The following CLEC6A variants were observed in gnomAD, a reference collection of about 807,000 sequenced individuals.
CLEC6A encodes the protein C-type lectin domain containing 6A, also known as C-type lectin domain family 6 member A.
CLEC6A carries 22 observed loss-of-function variants against 25.7 expected under a neutral mutation model. The ratio of observed to expected loss-of-function variants is 0.85; its 90% CI spans 0.61 to 1.22. The LOEUF (loss-of-function observed/expected upper bound fraction) is 1.22. Among genes scored for constraint, CLEC6A ranks in the 50% most tolerant of loss-of-function variants. The pLI, the probability that CLEC6A is intolerant of heterozygous loss-of-function variation, is 0.00. For missense variants in CLEC6A, 240 were observed against 236.8 expected (o/e 1.01, Z -0.09); for synonymous variants, 92 against 76.7 (o/e 1.20, Z -1.04).
At chr12:8,469,040 A>G (rs1162587220) in intron 4 of CLEC6A, among the ~76,000 whole-genome samples, 1 of 152,208 alleles carries the variant, frequency 6.6e-6, no homozygotes, top group Non-Finnish European at 1.5e-5. Context: ...AGAAAACCCT[A>G]AAGACTCATC....
At chr12:8,466,879 C>G (rs1939838632) in intron 4 of CLEC6A, among the ~76,000 whole-genome samples, 1 of 152,148 alleles carries the variant, frequency 6.6e-6, no homozygotes, top group Admixed American at 6.5e-5. Flanking sequence ...GTCTTGAACT[C>G]CTGACCTCGT....
At chr12:8,472,677 A>G (rs1007802713) in intron 4 of CLEC6A, among the ~76,000 whole-genome samples, 3 of 152,152 alleles carry the variant, frequency 2.0e-5, no homozygotes, top group Non-Finnish European at 4.4e-5. Context: ...CAGTGTCTTC[A>G]TGGGGGAACT....
chr12:8,458,798 A>T (rs1370218354), intron 2 of CLEC6A, among the ~76,000 whole-genome samples: 2 of 152,220 alleles, frequency 1.3e-5, no homozygotes, highest in Non-Finnish European at 2.9e-5. Context: ...TCAGGATCTC[A>T]AAACATGAAC....
intron 1 of CLEC6A, 58 bp downstream of exon 1, chr12:8,456,200 T>TC (rs1939673734): frequency 1.3e-6 from 2 of 1,528,476 alleles, no homozygotes; most frequent in Non-Finnish European, 1.8e-6. Context: ...TGAGATCACC[T>TC]GGAGAGAAGA....
chr12:8,460,836 C>T (rs1485394781), intron 3 of CLEC6A: 8 of 1,003,228 alleles, frequency 8.0e-6, no homozygotes, highest in Non-Finnish European at 1.1e-5. Flanking sequence ...GCCAAAAACG[C>T]CCAGTTCCTA....
At chr12:8,462,662 T>C (rs907280201) in intron 3 of CLEC6A, among the ~76,000 whole-genome samples, 81 of 151,008 alleles carry the variant, frequency 5.4e-4, no homozygotes, top group Admixed American at 1.5e-3. Flanking sequence ...GCTGACCTTC[T>C]CTCCACTATT....
At chr12:8,461,256 AT>A (rs1939749988) in intron 3 of CLEC6A, 1 of 638,740 alleles carries the variant, frequency 1.6e-6, no homozygotes, top group Non-Finnish European at 2.7e-6. Context: ...TGTAAAATTC[AT>A]ACCTAATAAG....
At chr12:8,469,211 G>A (rs1226059185) in intron 4 of CLEC6A, among the ~76,000 whole-genome samples, 2 of 151,972 alleles carry the variant, frequency 1.3e-5, no homozygotes, top group Non-Finnish European at 2.9e-5. Context: ...AAAATATTTA[G>A]GAATTTACTT....
At chr12:8,460,483 C>T (rs10770738) in intron 3 of CLEC6A, 467,369 of 599,238 alleles carry the variant, frequency 0.78, 184,549 homozygotes, top group East Asian at 0.99. Context: ...GGGTCCCTCT[C>T]ACAGCACGTG....
intron 3 of CLEC6A, among the ~76,000 whole-genome samples, chr12:8,464,136 A>C (rs1591707328): frequency 6.6e-6 from 1 of 152,216 alleles, no homozygotes; most frequent in East Asian, 1.9e-4. Flanking sequence ...TATTTTATTC[A>C]TTTTATAACA....
intron 4 of CLEC6A, among the ~76,000 whole-genome samples, chr12:8,472,678 T>C (rs1939922257): frequency 6.6e-6 from 1 of 152,176 alleles, no homozygotes; most frequent in African/African-American, 2.4e-5. Context: ...AGTGTCTTCA[T>C]GGGGGAACTA....
intron 4 of CLEC6A, among the ~76,000 whole-genome samples, chr12:8,466,156 A>G (rs191890892): frequency 6.6e-5 from 10 of 152,366 alleles, no homozygotes; most frequent in Admixed American, 2.0e-4. Flanking sequence ...GATTTGATAT[A>G]CAAATATATT....
At chr12:8,477,182 G>A in intron 5 of CLEC6A, 138 bp from the exon 6 acceptor site, 1 of 656,046 alleles carries the variant, frequency 1.5e-6, no homozygotes, top group South Asian at 2.3e-5. Flanking sequence ...TTTGAGGAGA[G>A]TAGTATGAGA....
intron 4 of CLEC6A, among the ~76,000 whole-genome samples, chr12:8,475,004 G>C (rs1318643731): frequency 6.6e-6 from 1 of 151,902 alleles, no homozygotes; most frequent in African/African-American, 2.4e-5. Flanking sequence ...ATTTATATTA[G>C]GTATTTCTCC....
chr12:8,463,216 G>T (rs1195733961), intron 3 of CLEC6A, among the ~76,000 whole-genome samples: 2 of 152,104 alleles, frequency 1.3e-5, no homozygotes, highest in African/African-American at 4.8e-5. Flanking sequence ...TAGGCTTCGA[G>T]TGGTATAAAA....
chr12:8,467,582 G>A (rs1383982813), intron 4 of CLEC6A, among the ~76,000 whole-genome samples: 1 of 152,214 alleles, frequency 6.6e-6, no homozygotes, highest in South Asian at 2.1e-4. Context: ...ACACTGCTTC[G>A]ATTACTGTAG....
At position 8,459,791 on chromosome 12, in the gene CLEC6A, G is replaced by T. The variant is rs768203637; in HGVS notation, c.223+93G>T. 15 of 806,444 alleles carry T rather than the reference G, an allele frequency of 1.9e-5. No homozygotes were observed. In the East Asian group the frequency reaches 3.2e-4, roughly 17 times the overall value. The allele number at this position is 806,444 out of a possible 1,614,324, so 50.0% of individuals were successfully genotyped here. A position where few individuals can be genotyped will look rare whatever the true frequency, so the allele number is the denominator to read the frequency against. Reference sequence around the variant, plus strand: ...TTGGTGTATTCTATTGTGCATTTGTGTGTGTATGTTTTATTAAAGCCTCTG... The same window carrying T: ...TTGGTGTATTCTATTGTGCATTTGTTTGTGTATGTTTTATTAAAGCCTCTG... On this transcript the variant is annotated intron_variant, in intron 3 of 5. Transcript: ENST00000382073.
rs113506277 is a variant in CLEC6A, at chr12:8,476,122, C to G, written c.370-3C>G. The G allele has an allele frequency of 6.3e-7, 1 of 1,587,342 alleles. No homozygotes were observed. The highest frequency in any genetic ancestry group is 1.7e-5 in the Admixed American group (1 of 57,328). Reference sequence around the variant, plus strand: ...TTTGACTCCTTTTTTTTCCTTCATGCAGAATTTCATTGTCCAGCAGCTGAA... The same window carrying G: ...TTTGACTCCTTTTTTTTCCTTCATGGAGAATTTCATTGTCCAGCAGCTGAA... On this transcript the variant is annotated splice_region_variant and splice_polypyrimidine_tract_variant and intron_variant, in intron 4 of 5. Coordinates refer to ENST00000382073, the MANE Select transcript of CLEC6A (RefSeq NM_001007033.2).
intron 3 of CLEC6A, among the ~76,000 whole-genome samples, chr12:8,464,556 T>A (rs1939805558): frequency 6.6e-6 from 1 of 152,080 alleles, no homozygotes; most frequent in Admixed American, 6.5e-5. Context: ...ATGGTCTTGA[T>A]CTCCTGACCT....
Sources: gnomAD v4.1 joint callset for allele counts (sites outside exome capture counted in the v4.1 genomes callset) on GRCh38, gnomAD v4.1.1 for gene constraint, MANE v1.5 for transcripts, NCBI Gene and HGNC (gene_info 2026-07-23, HGNC 2026-07-21) for gene names.